Variants in LRP2BP observed in about 807,000 individuals in gnomAD.
LRP2BP encodes the protein LRP2 binding protein.
A neutral mutation model predicts 45.2 loss-of-function variants in LRP2BP; 38 were observed. The observed-to-expected ratio is 0.84, with a 90% CI of 0.65 to 1.10. The LOEUF is 1.10. LRP2BP is among the 50% of genes least tolerant of loss of function. The pLI, the probability that LRP2BP is intolerant of heterozygous loss-of-function variation, is 0.00. For synonymous variants in LRP2BP, 153 were observed against 153.9 expected (o/e 0.99, Z 0.04); for missense variants, 385 against 418.9 (o/e 0.92, Z 0.71).
At position 185,364,049 on chromosome 4, in the gene LRP2BP, C is replaced by T. The variant is rs1467577124; in HGVS notation, c.*3131G>A. Reference sequence around the variant, plus strand: ...GGCTGTTCAAATATTTATCAAATGCCTTTTTAGAGAAAACACTATGTACTT... The same window carrying T: ...GGCTGTTCAAATATTTATCAAATGCTTTTTTAGAGAAAACACTATGTACTT... On this transcript the variant is annotated 3_prime_UTR_variant, in exon 9 of 9. Coordinates refer to ENST00000505916, the MANE Select transcript of LRP2BP (RefSeq NM_001377440.1). 1 of 152,580 alleles carries T rather than the reference C, an allele frequency of 6.6e-6. No individual in the cohort carries two copies. Among genetic ancestry groups the T allele is most frequent in the Non-Finnish European group, 1.5e-5 (1 of 68,072 alleles). The allele number at this position is 152,580 out of a possible 1,614,324, so 9.5% of individuals were successfully genotyped here.
rs553573220 is a variant in LRP2BP, at chr4:185,394,884, C to A, written c.-127G>T. On this transcript the variant is annotated 5_prime_UTR_variant, in exon 1 of 9. Transcript: ENST00000505916. ...GTAGAATTAGCACTGCTTAGGAGAACGCCTATAAAATATGCATCTTAGATC... is the reference window on the plus strand; with the variant it reads ...GTAGAATTAGCACTGCTTAGGAGAAAGCCTATAAAATATGCATCTTAGATC... The A allele has an allele frequency of 2.0e-6, 2 of 985,400 alleles. No individual in the cohort carries two copies. The highest frequency in any genetic ancestry group is 1.2e-4 in the Admixed American group (2 of 16,292). 61.0% of individuals were successfully genotyped at this position (985,400 alleles called of 1,614,324 possible).
chr4:185,374,789 G>GA (rs1311823528), intron 4 of LRP2BP, among the ~76,000 whole-genome samples: 1 of 152,008 alleles, frequency 6.6e-6, no homozygotes, highest in Non-Finnish European at 1.5e-5. Flanking sequence ...CCCTTATCCT[G>GA]AATCAGCACA....
Position 185,365,690 on chromosome 4 carries a change from A to AATAAT in LRP2BP, c.*1489_*1490insATTAT, listed in dbSNP as rs1554015801. The AATAAT allele has an allele frequency of 1.4e-5, 2 of 144,272 alleles. No homozygotes were observed. The highest frequency in any genetic ancestry group is 5.2e-5 in the African/African-American group (2 of 38,750). The allele number at this position is 144,272 out of a possible 1,614,324, so 8.9% of individuals were successfully genotyped here. On this transcript the variant is annotated 3_prime_UTR_variant, in exon 9 of 9. Coordinates refer to ENST00000505916, the MANE Select transcript of LRP2BP (RefSeq NM_001377440.1). ...AGGAGACTCCGTCTCAAAAAAAAAA[A>AATAAT]AATAATAATAATAATAATAATAATA...
At chr4:185,380,366 A>C (rs2095452277) in intron 1 of LRP2BP, among the ~76,000 whole-genome samples, 1 of 152,214 alleles carries the variant, frequency 6.6e-6, no homozygotes, top group Non-Finnish European at 1.5e-5. Flanking sequence ...GGAGCCTAGA[A>C]GTCCAAAATC....
chr4:185,387,759 G>A (rs775946523), intron 1 of LRP2BP, among the ~76,000 whole-genome samples: 12 of 152,280 alleles, frequency 7.9e-5, no homozygotes, highest in South Asian at 2.1e-4. Flanking sequence ...TCCCCACCCC[G>A]CTGGATAACG....
Position 185,376,896 on chromosome 4 carries a change from C to A in LRP2BP, c.216+13G>T. ...ATTACAGGAAATGAAAACGAATAAA[C>A]AAAAAATGATACCTCTTCAAAATAT... On this transcript the variant is annotated intron_variant, in intron 3 of 8. Transcript: ENST00000505916. The A allele has an allele frequency of 2.5e-6, 4 of 1,581,652 alleles. No individual in the cohort carries two copies. Among genetic ancestry groups the A allele is most frequent in the Non-Finnish European group, 3.5e-6 (4 of 1,152,698 alleles).
rs1194102026 is a variant in LRP2BP, at chr4:185,370,779, A to T, written c.839T>A (p.Met280Lys). ...ADYDEVHDIP[M>K]IAQVTDCLPE... ...GAGACAGTCTGTGACCTGGGCGATC[A>T]TGGGGATGTCGTGAACCTCATCATA... Residue 280 changes from methionine to lysine, a missense_variant, in exon 8 of 9, where the codon ATG (methionine) becomes AAG (lysine). Coordinates refer to ENST00000505916, the MANE Select transcript of LRP2BP (RefSeq NM_001377440.1). The T allele has an allele frequency of 1.2e-6, 2 of 1,614,130 alleles. No individual in the cohort carries two copies. Among genetic ancestry groups the T allele is most frequent in the Admixed American group, 1.7e-5 (1 of 60,014 alleles).
chr4:185,371,015 C>T (rs4862522), intron 7 of LRP2BP: 63,752 of 522,288 alleles, frequency 0.12, 4,216 homozygotes, highest in Admixed American at 0.2. Flanking sequence ...GGTGACTTCA[C>T]ATGTCTCTGT....
At chr4:185,376,086 G>A (rs536248380) in intron 3 of LRP2BP, among the ~76,000 whole-genome samples, 3 of 152,076 alleles carry the variant, frequency 2.0e-5, no homozygotes, top group South Asian at 2.1e-4. Context: ...ATGAAAAACC[G>A]AAACTACATT....
At chr4:185,367,809 A>G (rs1219386040) in intron 8 of LRP2BP, among the ~76,000 whole-genome samples, 1 of 152,162 alleles carries the variant, frequency 6.6e-6, no homozygotes, top group African/African-American at 2.4e-5. Flanking sequence ...GAAGTTACAC[A>G]TTCTACATAT....
In LRP2BP at chr4:185,375,641, T is replaced by C; in HGVS notation, c.302A>G (p.Tyr101Cys). 2 of 1,611,030 alleles carry C rather than the reference T, an allele frequency of 1.2e-6. No homozygotes were observed. Among genetic ancestry groups the C allele is most frequent in the South Asian group, 1.1e-5 (1 of 90,814 alleles). The change falls in exon 4 of 9, where the codon TAT (tyrosine) becomes TGT (cysteine). Residue 101 changes from tyrosine (Y) to cysteine (C), a missense_variant. Physicochemically the swap from Tyr to Cys is radical, Grantham distance 194 (BLOSUM62 -2). Transcript: ENST00000505916. Reference protein sequence around the residue: ...QATYQLGVMYYDGLGTTLDAE... With the variant: ...QATYQLGVMYCDGLGTTLDAE... ...GTCTAGAGTGGTCCCCAGCCCATCATAGTACATCACTCCTAGCTGGTAAGT... is the reference window on the plus strand; with the variant it reads ...GTCTAGAGTGGTCCCCAGCCCATCACAGTACATCACTCCTAGCTGGTAAGT...
intron 1 of LRP2BP, 105 bp downstream of exon 1, chr4:185,394,674 G>A (rs2095497113): frequency 2.4e-6 from 2 of 818,226 alleles, no homozygotes; most frequent in African/African-American, 1.9e-5. Flanking sequence ...AATACTGGAA[G>A]ATATTTTACA....
intron 1 of LRP2BP, among the ~76,000 whole-genome samples, chr4:185,387,921 C>T (rs1015118015): frequency 6.6e-5 from 10 of 152,204 alleles, no homozygotes; most frequent in African/African-American, 2.4e-4. Context: ...GATATGATTC[C>T]TCCCTCTCTA....
At chr4:185,393,395 C>A (rs560076561) in intron 1 of LRP2BP, among the ~76,000 whole-genome samples, 1 of 152,266 alleles carries the variant, frequency 6.6e-6, no homozygotes, top group African/African-American at 2.4e-5. Context: ...CCAGTGTTTT[C>A]TTGGTCAATA....
chr4:185,388,495 TCAGGC>T (rs1217949814), intron 1 of LRP2BP, among the ~76,000 whole-genome samples: 2 of 39,320 alleles, frequency 5.1e-5, no homozygotes. Context: ...TGCCTACCTA[TCAGGC>T]CTACCTAGGC....
At chr4:185,369,946 C>G (rs774527154) in intron 8 of LRP2BP, 27 of 283,974 alleles carry the variant, frequency 9.5e-5, no homozygotes, top group Admixed American at 5.0e-4. Flanking sequence ...ATCTGTGTTC[C>G]ACAAACACTG....
intron 1 of LRP2BP, 136 bp downstream of exon 1, chr4:185,394,643 T>A (rs995681330): frequency 1.8e-6 from 1 of 560,252 alleles, no homozygotes; most frequent in Non-Finnish European, 2.3e-6. Flanking sequence ...GCCCCCAGAC[T>A]GAACTACATA....
At chr4:185,391,503 CATTT>C (rs921060175) in intron 1 of LRP2BP, among the ~76,000 whole-genome samples, 14 of 152,138 alleles carry the variant, frequency 9.2e-5, no homozygotes, top group African/African-American at 2.2e-4. Context: ...TCCCATCTCC[CATTT>C]ATTTATTTAT....
intron 1 of LRP2BP, chr4:185,378,766 T>C (rs2095446584): frequency 1.0e-6 from 1 of 985,440 alleles, no homozygotes; most frequent in South Asian, 4.7e-5. Flanking sequence ...AATGTAGCGG[T>C]CACCTCATTT....
Sources: gnomAD v4.1 joint callset for allele counts (sites outside exome capture counted in the v4.1 genomes callset) on GRCh38, gnomAD v4.1.1 for gene constraint, MANE v1.5 for transcripts, NCBI Gene and HGNC (gene_info 2026-07-23, HGNC 2026-07-21) for gene names.